CEP55: variants seen among roughly 807,000 people sequenced by gnomAD.
CEP55 encodes centrosomal protein 55.
In CEP55, 57 loss-of-function variants were observed where a neutral mutation model predicts 63.2. That is an observed-to-expected ratio of 0.90 (90% CI 0.73 to 1.13). CEP55 has a LOEUF of 1.13. Among genes scored for constraint, CEP55 ranks in the 50% most tolerant of loss-of-function variants. The pLI, the probability that CEP55 is intolerant of heterozygous loss-of-function variation, is 0.00. For missense variants in CEP55, 456 were observed against 518.9 expected (o/e 0.88, Z 1.18); for synonymous variants, 178 against 191.6 (o/e 0.93, Z 0.59).
rs750070840 is a variant in CEP55 at position 93,519,610 on chromosome 10, A to G, written c.1066-72A>G. The G allele has an allele frequency of 7.2e-5, 109 of 1,520,544 alleles. 1 individual carries two copies. Among genetic ancestry groups the G allele is most frequent in the Non-Finnish European group, 8.7e-5 (98 of 1,121,984 alleles). 94.2% of individuals were successfully genotyped at this position (1,520,544 alleles called of 1,614,324 possible). On this transcript the variant is annotated intron_variant, in intron 7 of 8. Coordinates refer to ENST00000371485, the MANE Select transcript of CEP55 (RefSeq NM_018131.5). ...ATTTTCTTCATGTGCTAATAAAAAA[A>G]TGTGAGCATCCAGTCAAGAGAACTA...
intron 4 of CEP55, among the ~76,000 whole-genome samples, chr10:93,510,856 G>A (rs1489657906): frequency 2.0e-5 from 3 of 151,164 alleles, no homozygotes; most frequent in East Asian, 1.9e-4. Flanking sequence ...TTTAATCTAC[G>A]TTGGTTGGAA....
At chr10:93,501,714 A>G (rs2057637442) in intron 2 of CEP55, among the ~76,000 whole-genome samples, 1 of 152,222 alleles carries the variant, frequency 6.6e-6, no homozygotes, top group Non-Finnish European at 1.5e-5. Flanking sequence ...TAAACAGTAT[A>G]CCATTTGATT....
Position 93,503,236 on chromosome 10 carries a change from C to T in CEP55, c.307C>T (p.Gln103Ter), listed in dbSNP as rs770774477. ...ATATAGTACTACCACATTGCTTGAA[C>T]AGCTGGAAGAGACAACGAGAGAAGG... ...ARYSTTTLLE[Q>*]LEETTREGER... Residue 103 changes from glutamine (Q) to a stop codon, truncating the protein, a stop_gained, in exon 3 of 9, where the codon CAG (glutamine) becomes TAG (stop). Transcript: ENST00000371485. LOFTEE classifies it high-confidence loss of function. 1.1e-5 allele frequency: 17 copies of T among 1,614,046 alleles called. No homozygotes were observed. In the South Asian group the frequency reaches 1.5e-4, roughly 15 times the overall value.
chr10:93,510,708 A>T (rs2057738146), intron 4 of CEP55: 1 of 152,314 alleles, frequency 6.6e-6, no homozygotes, highest in South Asian at 2.1e-4. Flanking sequence ...AAGAACGAGG[A>T]TACTCTTGCC....
At chr10:93,502,778 G>A (rs2057647189) in intron 2 of CEP55, among the ~76,000 whole-genome samples, 1 of 152,264 alleles carries the variant, frequency 6.6e-6, no homozygotes, top group Admixed American at 6.5e-5. Flanking sequence ...CCAGTGTTAT[G>A]GAAGAATGAT....
chr10:93,499,968 A>G, intron 1 of CEP55, 72 bp from the exon 2 acceptor site: 1 of 1,011,952 alleles, frequency 9.9e-7, no homozygotes, highest in East Asian at 2.4e-5. Flanking sequence ...CAGATAGGTT[A>G]TTAGACCTGT....
intron 4 of CEP55, among the ~76,000 whole-genome samples, chr10:93,514,385 A>T (rs1048669245): frequency 2.0e-5 from 3 of 152,244 alleles, no homozygotes; most frequent in Admixed American, 1.3e-4. Context: ...AAAAGATCAT[A>T]TAAAGGATGA....
At position 93,528,253 on chromosome 10, in the gene CEP55, G is replaced by T; in HGVS notation, c.*100G>T. ...TATATTTCACATTTTGCATAAAACTGCCTATCTACCTTTGACACTCCAGCA... is the reference window on the plus strand; with the variant it reads ...TATATTTCACATTTTGCATAAAACTTCCTATCTACCTTTGACACTCCAGCA... On this transcript the variant is annotated 3_prime_UTR_variant, in exon 9 of 9. Coordinates refer to ENST00000371485, the MANE Select transcript of CEP55 (RefSeq NM_018131.5). 1 of 1,000,514 alleles carries T rather than the reference G, an allele frequency of 1.0e-6. No homozygotes were observed. Among genetic ancestry groups the T allele is most frequent in the Admixed American group, 2.2e-5 (1 of 46,388 alleles). The allele number at this position is 1,000,514 out of a possible 1,614,324, so 62.0% of individuals were successfully genotyped here.
At chr10:93,505,720 CTA>C (rs1397460147) in intron 3 of CEP55, among the ~76,000 whole-genome samples, 1 of 152,110 alleles carries the variant, frequency 6.6e-6, no homozygotes, top group East Asian at 1.9e-4. Context: ...ACAGCTTTTT[CTA>C]TGTTTGTTGG....
At chr10:93,525,613 G>A (rs1425470597) in intron 8 of CEP55, among the ~76,000 whole-genome samples, 1 of 151,674 alleles carries the variant, frequency 6.6e-6, no homozygotes, top group East Asian at 1.9e-4. Context: ...AACCAAAAAA[G>A]AGCCCGCATC....
intron 4 of CEP55, among the ~76,000 whole-genome samples, chr10:93,511,860 C>T (rs986526660): frequency 6.6e-6 from 1 of 152,012 alleles, no homozygotes. Context: ...CCTCGGCCTC[C>T]CAAAGTGCTG....
intron 1 of CEP55, among the ~76,000 whole-genome samples, chr10:93,498,707 T>C (rs2057600269): frequency 6.6e-6 from 1 of 152,236 alleles, no homozygotes; most frequent in African/African-American, 2.4e-5. Context: ...ACTTCTCTTG[T>C]GTAATATTTA....
chr10:93,522,941 C>T (rs1231389080), intron 8 of CEP55, among the ~76,000 whole-genome samples: 1 of 152,130 alleles, frequency 6.6e-6, no homozygotes, highest in African/African-American at 2.4e-5. Flanking sequence ...AAAGGAAGCA[C>T]TAAACGTGGA....
In CEP55 at chr10:93,503,171, A is replaced by G. The variant is rs1383048141; in HGVS notation, c.242A>G (p.Asp81Gly). The G allele has an allele frequency of 1.2e-6, 2 of 1,614,054 alleles. No homozygotes were observed. Among genetic ancestry groups the G allele is most frequent in the Admixed American group, 3.3e-5 (2 of 60,002 alleles). The change falls in exon 3 of 9, where the codon GAC (aspartate) becomes GGC (glycine). Residue 81 changes from aspartate (D) to glycine (G), a missense_variant. Physicochemically the swap from Asp to Gly is moderately conservative, Grantham distance 94. Coordinates refer to ENST00000371485, the MANE Select transcript of CEP55 (RefSeq NM_018131.5). ...EKNAYQLTEK[D>G]KEIQRLRDQL... is the part of the protein sequence containing the mutation. ...AATGCTTATCAACTCACAGAGAAGGACAAAGAAATACAGCGACTGAGAGAC... is the reference window on the plus strand; with the variant it reads ...AATGCTTATCAACTCACAGAGAAGGGCAAAGAAATACAGCGACTGAGAGAC...
At chr10:93,526,420 A>C (rs1419486225) in intron 8 of CEP55, among the ~76,000 whole-genome samples, 1 of 151,958 alleles carries the variant, frequency 6.6e-6, no homozygotes, top group Non-Finnish European at 1.5e-5. Flanking sequence ...GCAATCATTA[A>C]AAAGTCAGGA....
intron 5 of CEP55, 117 bp from the exon 6 acceptor site, chr10:93,516,818 C>A: frequency 2.7e-6 from 2 of 729,896 alleles, no homozygotes; most frequent in Non-Finnish European, 4.3e-6. Context: ...TATCTCTTGA[C>A]TTTTCATGTT....
At position 93,502,648 on chromosome 10, in the gene CEP55, A is replaced by C. The variant is rs2057646038; in HGVS notation, c.184-465A>C. On this transcript the variant is annotated intron_variant, in intron 2 of 8. Transcript: ENST00000371485. ...ATCATTTATCGAAAGTAAGCAGGTT[A>C]ATGAATGCATCCCTCTCCTGCTGAA... 2.0e-5 allele frequency among the ~76,000 whole-genome samples: 3 copies of C among 152,210 alleles called. No individual in the cohort carries two copies. The South Asian group carries it at 6.2e-4, about 32-fold the overall frequency.
intron 1 of CEP55, among the ~76,000 whole-genome samples, chr10:93,498,693 C>T (rs2057600159): frequency 6.6e-6 from 1 of 152,116 alleles, no homozygotes; most frequent in South Asian, 2.1e-4. Context: ...TCATTTATCC[C>T]TGTACTTCTC....
At chr10:93,524,992 G>T (rs1383304872) in intron 8 of CEP55, among the ~76,000 whole-genome samples, 2 of 151,380 alleles carry the variant, frequency 1.3e-5, no homozygotes, top group African/African-American at 4.9e-5. Flanking sequence ...CATACTGAAT[G>T]GGCAAAAACT....
Sources: gnomAD v4.1 joint callset for allele counts (sites outside exome capture counted in the v4.1 genomes callset) on GRCh38, gnomAD v4.1.1 for gene constraint, MANE v1.5 for transcripts, NCBI Gene and HGNC (gene_info 2026-07-23, HGNC 2026-07-21) for gene names.